Variants in UGGT2 observed in about 807,000 individuals in gnomAD.
UGGT2 encodes the protein UDP-glucose:glycoprotein glucosyltransferase 2.
In UGGT2, 180 loss-of-function variants were observed where a neutral mutation model predicts 192.1. The ratio of observed to expected loss-of-function variants is 0.94; its 90% CI spans 0.83 to 1.06. UGGT2 has a LOEUF of 1.06. Ranked by LOEUF, UGGT2 falls within the 50% of genes least tolerant of loss-of-function variation. The pLI is 0.00. For missense variants in UGGT2, 1,849 were observed against 1,795.7 expected, an observed-to-expected ratio of 1.03 and a Z score of -0.54; for synonymous variants, 580 against 591.0, an observed-to-expected ratio of 0.98 and a Z score of 0.27.
chr13:95,811,900 C>T (rs775599646), intron 38 of UGGT2, among the ~76,000 whole-genome samples: 41 of 150,982 alleles, frequency 2.7e-4, no homozygotes, highest in Middle Eastern at 3.5e-3. Flanking sequence ...GGAGATAAAA[C>T]GGAATTTGAA....
intron 27 of UGGT2, among the ~76,000 whole-genome samples, chr13:95,879,354 G>C (rs1594216160): frequency 6.6e-6 from 1 of 152,146 alleles, no homozygotes; most frequent in Non-Finnish European, 1.5e-5. Flanking sequence ...TTTCCAAAGA[G>C]TTCTTTCTAG....
chr13:95,922,982 A>C (rs2048895918), intron 20 of UGGT2, among the ~76,000 whole-genome samples: 1 of 152,196 alleles, frequency 6.6e-6, no homozygotes, highest in African/African-American at 2.4e-5. Flanking sequence ...ATTAACAGCC[A>C]TTTGGAAAGT....
chr13:95,809,084 C>G (rs1014625412), intron 38 of UGGT2, among the ~76,000 whole-genome samples: 1 of 152,146 alleles, frequency 6.6e-6, no homozygotes, highest in Non-Finnish European at 1.5e-5. Context: ...ATATCTCACA[C>G]TATTTTCTGG....
rs941737672 is a variant in UGGT2, at chr13:95,877,312, T to C, written c.3440A>G (p.Gln1147Arg). The C allele has an allele frequency of 1.2e-6, 2 of 1,603,540 alleles. No individual in the cohort carries two copies. The highest frequency in any genetic ancestry group is 1.7e-6 in the Non-Finnish European group (2 of 1,176,474). The part of the protein sequence containing the change: ...NPGAWILRLH[Q>R]GKSEDIYQIV... ...TTGATAAATATCTTCAGATTTTCCT[T>C]GGTGTAACCTCAGTATCCAAGCACC... Residue 1147 changes from glutamine (Q) to arginine (R), a missense_variant, in exon 29 of 39, where the codon CAA becomes CGA. Physicochemically the swap from Gln to Arg is conservative, Grantham distance 43. Transcript: ENST00000376747.
At chr13:95,811,384 T>C (rs1197893518) in intron 38 of UGGT2, among the ~76,000 whole-genome samples, 1 of 152,186 alleles carries the variant, frequency 6.6e-6, no homozygotes, top group Non-Finnish European at 1.5e-5. Flanking sequence ...ATCCTATCCA[T>C]GTGAAATCTC....
intron 1 of UGGT2, among the ~76,000 whole-genome samples, chr13:96,051,320 C>T (rs1002738935): frequency 6.6e-6 from 1 of 152,044 alleles, no homozygotes; most frequent in Non-Finnish European, 1.5e-5. Flanking sequence ...CATCACACAC[C>T]AGGGCCTGTT....
intron 27 of UGGT2, among the ~76,000 whole-genome samples, chr13:95,883,706 GAGTT>G (rs1375179991): frequency 2.0e-5 from 3 of 152,212 alleles, no homozygotes. Context: ...GCGAAACTGT[GAGTT>G]AATTAAGCCT....
intron 20 of UGGT2, among the ~76,000 whole-genome samples, chr13:95,904,457 C>T (rs1255920069): frequency 2.9e-5 from 4 of 137,280 alleles, no homozygotes; most frequent in African/African-American, 8.2e-5. Flanking sequence ...CCCCCCACCC[C>T]ACAACAGTCC....
At chr13:96,023,842 A>C in intron 2 of UGGT2, 83 bp from the exon 3 acceptor site, 2 of 1,155,370 alleles carry the variant, frequency 1.7e-6, no homozygotes, top group Non-Finnish European at 2.4e-6. Context: ...AGGCTAACTT[A>C]ATGTCATATA....
At chr13:95,964,207 T>C (rs185026535) in intron 12 of UGGT2, among the ~76,000 whole-genome samples, 19 of 152,224 alleles carry the variant, frequency 1.2e-4, no homozygotes, top group Non-Finnish European at 2.2e-4. Context: ...GCCAAGAACA[T>C]ACATTTGGGA....
chr13:95,843,886 A>C (rs1274756474), intron 36 of UGGT2, among the ~76,000 whole-genome samples: 3 of 152,254 alleles, frequency 2.0e-5, no homozygotes, highest in East Asian at 3.9e-4. Flanking sequence ...TTATGTCTTA[A>C]AACAAGGTGG....
intron 12 of UGGT2, among the ~76,000 whole-genome samples, chr13:95,960,517 C>T (rs182222276): frequency 4.0e-5 from 6 of 151,712 alleles, no homozygotes; most frequent in Admixed American, 3.9e-4. Context: ...AAAATACATA[C>T]AAAAAAGAAT....
intron 22 of UGGT2, among the ~76,000 whole-genome samples, chr13:95,899,954 T>C (rs1225753913): frequency 2.0e-5 from 3 of 152,016 alleles, no homozygotes; most frequent in Non-Finnish European, 4.4e-5. Flanking sequence ...TTGAAGATGA[T>C]TGAGGGATAT....
chr13:95,867,757 T>A (rs1223457251), intron 29 of UGGT2, among the ~76,000 whole-genome samples: 4 of 152,194 alleles, frequency 2.6e-5, no homozygotes, highest in Non-Finnish European at 5.9e-5. Context: ...ACATCCCTGA[T>A]ATATTGTAGT....
chr13:95,904,269 A>G (rs1444298478), intron 20 of UGGT2, among the ~76,000 whole-genome samples: 1 of 152,070 alleles, frequency 6.6e-6, no homozygotes, highest in Admixed American at 6.6e-5. Flanking sequence ...TCTCTACTCT[A>G]AAGTAAAAAA....
chr13:95,893,181 T>A (rs905673485), intron 24 of UGGT2, among the ~76,000 whole-genome samples: 5 of 152,156 alleles, frequency 3.3e-5, no homozygotes, highest in Non-Finnish European at 7.4e-5. Flanking sequence ...AATTTAAATT[T>A]TCTTATAAGC....
chr13:95,916,072 A>G (rs939768097), intron 20 of UGGT2, among the ~76,000 whole-genome samples: 8 of 152,204 alleles, frequency 5.3e-5, no homozygotes, highest in African/African-American at 1.9e-4. Context: ...CTCTTTAAGC[A>G]GGTCCCTGAT....
chr13:95,850,370 G>T (rs1888918356), intron 36 of UGGT2, among the ~76,000 whole-genome samples: 1 of 152,294 alleles, frequency 6.6e-6, no homozygotes, highest in African/African-American at 2.4e-5. Flanking sequence ...CTGGGGTAGA[G>T]GCTTCTGGAT....
intron 30 of UGGT2, 79 bp from the exon 31 acceptor site, chr13:95,863,793 G>A: frequency 6.3e-6 from 7 of 1,109,956 alleles, no homozygotes; most frequent in Non-Finnish European, 9.6e-6. Flanking sequence ...AAACATATTG[G>A]GCGAGATTAC....
Sources: gnomAD v4.1 joint callset for allele counts (sites outside exome capture counted in the v4.1 genomes callset) on GRCh38, gnomAD v4.1.1 for gene constraint, MANE v1.5 for transcripts, NCBI Gene and HGNC (gene_info 2026-07-23, HGNC 2026-07-21) for gene names.